CMPK1: variants seen among roughly 807,000 people sequenced by gnomAD.
The protein encoded by CMPK1 is UMP-CMP kinase.
CMPK1 carries 10 observed loss-of-function variants against 25.7 expected under a neutral mutation model. The observed-to-expected ratio is 0.39, with a 90% CI of 0.24 to 0.66. CMPK1 has a LOEUF of 0.66. Ranked by LOEUF, CMPK1 falls within the 30% of genes least tolerant of loss-of-function variation. The pLI is 0.48. For synonymous variants in CMPK1, 106 were observed against 101.5 expected (o/e 1.04, Z -0.27); for missense variants, 199 against 280.5 (o/e 0.71, Z 2.08).
chr1:47,358,104 C>CTT (rs398039948), intron 1 of CMPK1, among the ~76,000 whole-genome samples: 1,496 of 78,640 alleles, frequency 0.019, 93 homozygotes, highest in South Asian at 0.04. Flanking sequence ...CATAGTAGGT[C>CTT]TTTTTTTTTT....
At chr1:47,354,420 T>A (rs1370951877) in intron 1 of CMPK1, among the ~76,000 whole-genome samples, 1 of 152,216 alleles carries the variant, frequency 6.6e-6, no homozygotes, top group Non-Finnish European at 1.5e-5. Context: ...GTAAAAAAAA[T>A]TCAAACAATT....
At chr1:47,373,260 T>TG in intron 3 of CMPK1, 153 bp downstream of exon 3, 1 of 560,716 alleles carries the variant, frequency 1.8e-6, no homozygotes, top group Non-Finnish European at 2.8e-6. Flanking sequence ...GTCTTGCTGT[T>TG]GGAGTATTAA....
At chr1:47,360,548 A>G (rs916691110) in intron 1 of CMPK1, among the ~76,000 whole-genome samples, 3 of 152,218 alleles carry the variant, frequency 2.0e-5, no homozygotes, top group Non-Finnish European at 4.4e-5. Context: ...AGCTTCCCCA[A>G]GCAGACAATC....
intron 1 of CMPK1, among the ~76,000 whole-genome samples, chr1:47,347,444 A>C (rs1229387384): frequency 6.6e-6 from 1 of 151,872 alleles, no homozygotes; most frequent in African/African-American, 2.4e-5. Flanking sequence ...CCTGGCCTCA[A>C]GCCATCCTCC....
At chr1:47,340,531 C>T (rs541769833) in intron 1 of CMPK1, among the ~76,000 whole-genome samples, 1 of 152,042 alleles carries the variant, frequency 6.6e-6, no homozygotes, top group South Asian at 2.1e-4. Flanking sequence ...TTTCCAAGCT[C>T]CTCATTACAA....
chr1:47,358,096 T>C (rs1441758775), intron 1 of CMPK1, among the ~76,000 whole-genome samples: 1 of 139,712 alleles, frequency 7.2e-6, no homozygotes, highest in Non-Finnish European at 1.5e-5. Context: ...AGTGCTGTCA[T>C]AGTAGGTCTT....
At chr1:47,357,080 C>T (rs573054068) in intron 1 of CMPK1, among the ~76,000 whole-genome samples, 110 of 151,718 alleles carry the variant, frequency 7.3e-4, no homozygotes, top group African/African-American at 2.4e-3. Flanking sequence ...TCTCCTGCCT[C>T]AGCCTCCTGA....
chr1:47,362,096 C>T (rs539747967), intron 1 of CMPK1, among the ~76,000 whole-genome samples: 1 of 151,122 alleles, frequency 6.6e-6, no homozygotes, highest in African/African-American at 2.4e-5. Flanking sequence ...TCTTGAACTC[C>T]TGACCTCAGG....
At chr1:47,342,833 A>G (rs1372495793) in intron 1 of CMPK1, among the ~76,000 whole-genome samples, 3 of 151,454 alleles carry the variant, frequency 2.0e-5, no homozygotes. Flanking sequence ...TATTTTTAGT[A>G]GAGATGGGGT....
chr1:47,354,008 C>T (rs1035668843), intron 1 of CMPK1, among the ~76,000 whole-genome samples: 2 of 152,126 alleles, frequency 1.3e-5, no homozygotes, highest in Admixed American at 6.6e-5. Context: ...TGAGCCACTG[C>T]GCCTCGCCTG....
At chr1:47,359,990 A>T (rs1646590645) in intron 1 of CMPK1, among the ~76,000 whole-genome samples, 1 of 152,220 alleles carries the variant, frequency 6.6e-6, no homozygotes, top group Non-Finnish European at 1.5e-5. Flanking sequence ...GGTTGTAGTG[A>T]TACATGAGAG....
chr1:47,364,711 GTATAA>G lies in CMPK1; in HGVS notation c.172-3753_172-3749del, dbSNP rs945796928. 3.3e-4 allele frequency among the ~76,000 whole-genome samples: 49 copies of G among 148,032 alleles called. No homozygotes were observed. In the South Asian group the frequency reaches 9.5e-3, roughly 29 times the overall value. On this transcript the variant is annotated intron_variant, in intron 1 of 5. Coordinates refer to ENST00000371873, the MANE Select transcript of CMPK1 (RefSeq NM_016308.3). ...TATGCCATAAGTTATGATATAAATT[GTATAA>G]TATATAATATATGAAAATGTAATTT...
At position 47,375,234 on chromosome 1, in the gene CMPK1, G is replaced by A. The variant is rs1557434391; in HGVS notation, c.586G>A (p.Asp196Asn). 1 of 1,609,936 alleles carries A rather than the reference G, an allele frequency of 6.2e-7. No individual in the cohort carries two copies. Among genetic ancestry groups the A allele is most frequent in the South Asian group, 1.1e-5 (1 of 89,938 alleles). The change falls in exon 5 of 6, where the codon GAC becomes AAC. Residue 196 changes from aspartate (D) to asparagine (N), a missense_variant. Physicochemically the swap from Asp to Asn is conservative, Grantham distance 23 (BLOSUM62 1). This residue lies in a region of CMPK1 where 140 missense variants were observed against 235.5 expected (regional missense o/e 0.59). Transcript: ENST00000371873. ...CCTTCAGTCAACAAAGCCAATTATT[G>A]ACTTATATGAAGAAATGGGGAAAGT... Reference protein sequence around the residue: ...TYLQSTKPIIDLYEEMGKVKK... With the variant: ...TYLQSTKPIINLYEEMGKVKK...
chr1:47,337,655 C>A (rs1327934333), intron 1 of CMPK1, among the ~76,000 whole-genome samples: 1 of 150,886 alleles, frequency 6.6e-6, no homozygotes, highest in Non-Finnish European at 1.5e-5. Context: ...ACGCTGTCGG[C>A]CAGGCTGGTG....
intron 1 of CMPK1, among the ~76,000 whole-genome samples, chr1:47,344,181 A>G (rs184406836): frequency 2.0e-5 from 3 of 152,318 alleles, no homozygotes; most frequent in Non-Finnish European, 2.9e-5. Flanking sequence ...TATGATATAA[A>G]TATACCAAAT....
intron 1 of CMPK1, among the ~76,000 whole-genome samples, chr1:47,350,176 C>A (rs928829527): frequency 3.3e-5 from 5 of 152,012 alleles, no homozygotes; most frequent in Non-Finnish European, 7.4e-5. Context: ...TGGGTTCAAA[C>A]AGTCTGCCTG....
chr1:47,338,040 GT>G (rs1001266661), intron 1 of CMPK1, among the ~76,000 whole-genome samples: 10 of 151,974 alleles, frequency 6.6e-5, no homozygotes, highest in Non-Finnish European at 1.3e-4. Context: ...AGTTTTGGAG[GT>G]TTTTTTCCTG....
At chr1:47,361,870 T>C (rs1171575721) in intron 1 of CMPK1, among the ~76,000 whole-genome samples, 1 of 120,202 alleles carries the variant, frequency 8.3e-6, no homozygotes, top group African/African-American at 3.7e-5. Flanking sequence ...AAAATACTAC[T>C]CTTTTTTTTT....
At chr1:47,334,690 TC>T (rs1646383450) in intron 1 of CMPK1, among the ~76,000 whole-genome samples, 2 of 152,094 alleles carry the variant, frequency 1.3e-5, no homozygotes, top group African/African-American at 4.8e-5. Context: ...TCGAGCCCCG[TC>T]CCCGCAAGCT....
Sources: allele counts gnomAD v4.1 joint callset (sites outside exome capture counted in the v4.1 genomes callset), GRCh38; gene constraint gnomAD v4.1.1; regional missense constraint gnomAD v4.1.1; transcripts MANE v1.5; gene names NCBI Gene and HGNC (gene_info 2026-07-23, HGNC 2026-07-21).